NXPH1: variants seen among roughly 807,000 people sequenced by gnomAD.
NXPH1 encodes neurexophilin 1.
NXPH1 carries 5 observed loss-of-function variants against 23.7 expected under a neutral mutation model. The observed-to-expected ratio is 0.21, with a 90% CI of 0.11 to 0.44. The LOEUF is 0.44. Ranked by LOEUF, NXPH1 falls within the 20% of genes least tolerant of loss-of-function variation. NXPH1 has a pLI of 0.99. For synonymous variants in NXPH1, 144 were observed against 122.2 expected (o/e 1.18, Z -1.18); for missense variants, 324 against 321.6 (o/e 1.01, Z -0.06).
intron 2 of NXPH1, among the ~76,000 whole-genome samples, chr7:8,694,972 T>TA (rs1296778807): frequency 5.3e-5 from 8 of 152,226 alleles, no homozygotes; most frequent in Non-Finnish European, 1.2e-4. Flanking sequence ...ATTATTATTT[T>TA]AAAACCAAGT....
intron 2 of NXPH1, among the ~76,000 whole-genome samples, chr7:8,456,131 A>G (rs1816590471): frequency 6.6e-6 from 1 of 152,168 alleles, no homozygotes; most frequent in Non-Finnish European, 1.5e-5. Context: ...TGAGAACTCT[A>G]GTCTGATGAT....
At chr7:8,548,787 G>T (rs1360201818) in intron 2 of NXPH1, among the ~76,000 whole-genome samples, 2 of 151,432 alleles carry the variant, frequency 1.3e-5, no homozygotes, top group African/African-American at 4.8e-5. Context: ...CTGTTTTGAG[G>T]ATTGAATGAA....
intron 2 of NXPH1, among the ~76,000 whole-genome samples, chr7:8,444,783 C>T (rs895648928): frequency 1.4e-4 from 21 of 152,220 alleles, no homozygotes; most frequent in Non-Finnish European, 2.9e-4. Context: ...TTTAAAATAA[C>T]CTAACTCCTC....
intron 2 of NXPH1, among the ~76,000 whole-genome samples, chr7:8,716,817 G>A (rs1234248183): frequency 6.6e-6 from 1 of 152,156 alleles, no homozygotes; most frequent in East Asian, 1.9e-4. Flanking sequence ...TCATTGCCCT[G>A]AGCCATTGGA....
At chr7:8,491,801 T>C (rs1011258643) in intron 2 of NXPH1, among the ~76,000 whole-genome samples, 4 of 152,106 alleles carry the variant, frequency 2.6e-5, no homozygotes, top group African/African-American at 7.2e-5. Context: ...AAACATGAAT[T>C]GATCACATTC....
intron 2 of NXPH1, among the ~76,000 whole-genome samples, chr7:8,475,301 T>C (rs1361413993): frequency 1.3e-5 from 2 of 152,088 alleles, no homozygotes; most frequent in Non-Finnish European, 2.9e-5. Context: ...GGGACTTTGT[T>C]TCCTTTGAGG....
At chr7:8,455,799 T>C (rs1348898562) in intron 2 of NXPH1, among the ~76,000 whole-genome samples, 1 of 152,228 alleles carries the variant, frequency 6.6e-6, no homozygotes, top group South Asian at 2.1e-4. Context: ...CACTAGCCTA[T>C]AAAATATTAA....
chr7:8,550,209 AGCCATCAGTGGCTGTAGGGGATAGAGAT>A (rs1818256638), intron 2 of NXPH1, among the ~76,000 whole-genome samples: 1 of 151,598 alleles, frequency 6.6e-6, no homozygotes, highest in Non-Finnish European at 1.5e-5. Flanking sequence ...GCCTAGTGAC[AGCCATCAGTGGCTGTAGGGGATAGAGAT>A]GACTTGGACA....
intron 2 of NXPH1, among the ~76,000 whole-genome samples, chr7:8,735,451 G>T (rs1362331612): frequency 2.6e-5 from 4 of 152,152 alleles, no homozygotes; most frequent in Non-Finnish European, 5.9e-5. Flanking sequence ...ACTGATTTGT[G>T]TATGTTGAAC....
At chr7:8,523,855 CCA>C (rs1221990560) in intron 2 of NXPH1, among the ~76,000 whole-genome samples, 5 of 152,102 alleles carry the variant, frequency 3.3e-5, no homozygotes, top group African/African-American at 1.2e-4. Context: ...CTGTCCTTCC[CCA>C]CTAACCATTT....
At chr7:8,483,331 T>A (rs1325191198) in intron 2 of NXPH1, among the ~76,000 whole-genome samples, 2 of 152,136 alleles carry the variant, frequency 1.3e-5, no homozygotes, top group Non-Finnish European at 2.9e-5. Flanking sequence ...AAATTTTATT[T>A]TATTTTCTTT....
intron 2 of NXPH1, among the ~76,000 whole-genome samples, chr7:8,715,390 G>T (rs1477286932): frequency 1.3e-5 from 2 of 152,164 alleles, no homozygotes; most frequent in Non-Finnish European, 2.9e-5. Flanking sequence ...GTTGAAACCA[G>T]ATACTGGTTT....
intron 2 of NXPH1, among the ~76,000 whole-genome samples, chr7:8,559,475 A>C (rs1818408046): frequency 6.6e-6 from 1 of 151,722 alleles, no homozygotes; most frequent in African/African-American, 2.4e-5. Context: ...AAATTTAATA[A>C]AAATATAAAT....
At chr7:8,689,622 C>G (rs1393221542) in intron 2 of NXPH1, among the ~76,000 whole-genome samples, 2 of 152,130 alleles carry the variant, frequency 1.3e-5, no homozygotes, top group Non-Finnish European at 2.9e-5. Context: ...CCTGGTAGGG[C>G]ATGAGAACAG....
intron 2 of NXPH1, among the ~76,000 whole-genome samples, chr7:8,729,558 T>TAGAA (rs1780114294): frequency 7.9e-6 from 1 of 126,810 alleles, no homozygotes; most frequent in African/African-American, 3.5e-5. Flanking sequence ...CTCCTTGGTT[T>TAGAA]CAAAGAACAT....
chr7:8,532,244 G>A (rs1343551386), intron 2 of NXPH1, among the ~76,000 whole-genome samples: 1 of 152,116 alleles, frequency 6.6e-6, no homozygotes, highest in Non-Finnish European at 1.5e-5. Context: ...CAGGCTGAAT[G>A]TAAAATAGCT....
intron 2 of NXPH1, among the ~76,000 whole-genome samples, chr7:8,702,454 G>T (rs980611530): frequency 2.0e-5 from 3 of 152,038 alleles, no homozygotes; most frequent in Non-Finnish European, 2.9e-5. Context: ...TCTGTCCTTG[G>T]ATTCACATTA....
intron 2 of NXPH1, among the ~76,000 whole-genome samples, chr7:8,645,031 C>A (rs1820373904): frequency 6.6e-6 from 1 of 152,166 alleles, no homozygotes; most frequent in East Asian, 1.9e-4. Flanking sequence ...GTCACTTTTG[C>A]AGATGTACAA....
intron 2 of NXPH1, among the ~76,000 whole-genome samples, chr7:8,674,507 G>C (rs1178186459): frequency 6.6e-6 from 1 of 152,248 alleles, no homozygotes; most frequent in Non-Finnish European, 1.5e-5. Flanking sequence ...AGAAATATGG[G>C]TGCATTCGTA....
Sources: allele counts gnomAD v4.1 joint callset (sites outside exome capture counted in the v4.1 genomes callset), GRCh38; gene constraint gnomAD v4.1.1; transcripts MANE v1.5; gene names NCBI Gene and HGNC (gene_info 2026-07-23, HGNC 2026-07-21).